The following GALNS variants were observed in gnomAD, a reference collection of about 807,000 sequenced individuals.
The protein encoded by GALNS is galactosamine (N-acetyl)-6-sulfatase.
A neutral mutation model predicts 65.9 loss-of-function variants in GALNS; 65 were observed. The observed-to-expected ratio is 0.99, with a 90% CI of 0.81 to 1.21. The LOEUF (loss-of-function observed/expected upper bound fraction) is 1.21. Among genes scored for constraint, GALNS ranks in the 50% most tolerant of loss-of-function variants. GALNS has a pLI of 0.00. For missense variants in GALNS, 776 were observed against 700.7 expected (o/e 1.11, Z -1.21); for synonymous variants, 346 against 288.9 (o/e 1.20, Z -2.00).
chr16:88,852,147 G>A (rs1026691582), intron 1 of GALNS, among the ~76,000 whole-genome samples: 1 of 152,164 alleles, frequency 6.6e-6, no homozygotes, highest in Non-Finnish European at 1.5e-5. Context: ...GCCCCTCTGG[G>A]ACAAAGCTTC....
Position 88,824,828 on chromosome 16 carries a change from G to C in GALNS, c.1181C>G (p.Thr394Ser). Reference protein sequence around the residue: ...YYRGDTLMAATLGQHKAHFWT... With the variant: ...YYRGDTLMAASLGQHKAHFWT... Reference sequence around the variant, plus strand: ...GAAGTGAGCCTTGTGCTGCCCGAGGGTGGCCGCCATCAGCGTGTCGCCACG... The same window carrying C: ...GAAGTGAGCCTTGTGCTGCCCGAGGCTGGCCGCCATCAGCGTGTCGCCACG... The change falls in exon 11 of 14, where the codon ACC becomes AGC. Residue 394 changes from threonine (T) to serine (S), a missense_variant. Transcript: ENST00000268695. The C allele has an allele frequency of 6.2e-7, 1 of 1,613,414 alleles. No homozygotes were observed. Among genetic ancestry groups the C allele is most frequent in the Non-Finnish European group, 8.5e-7 (1 of 1,179,996 alleles).
At chr16:88,848,494 G>A (rs1479791221) in intron 1 of GALNS, among the ~76,000 whole-genome samples, 3 of 151,846 alleles carry the variant, frequency 2.0e-5, no homozygotes, top group Non-Finnish European at 2.9e-5. Context: ...TTAGCCAGGC[G>A]TGGTTGCAGG....
In GALNS at chr16:88,840,467, C is replaced by A. The variant is rs543838273; in HGVS notation, c.422+525G>T. The A allele has an allele frequency of 3.0e-3, 577 of 192,096 alleles. 2 individuals carry two copies. The highest frequency in any genetic ancestry group is 0.013 in the African/African-American group (549 of 42,344). 11.9% of individuals were successfully genotyped at this position (192,096 alleles called of 1,614,324 possible). A position where few individuals can be genotyped will look rare whatever the true frequency, so the allele number is the denominator to read the frequency against. The stretch of plus-strand genomic sequence containing the variant: ...AGTAAAAGAAATGAAACATCCTGTG[C>A]GCCTAAAACCGCAGCGTGGGGGCTG... On this transcript the variant is annotated intron_variant, in intron 4 of 13. Transcript: ENST00000268695.
chr16:88,856,899 GC>G lies in GALNS; in HGVS notation c.-23del. 6.7e-7 allele frequency: 1 copy of G among 1,500,046 alleles called. No individual in the cohort carries two copies. Among genetic ancestry groups the G allele is most frequent in the South Asian group, 1.2e-5 (1 of 80,564 alleles). The allele number at this position is 1,500,046 out of a possible 1,614,324, so 92.9% of individuals were successfully genotyped here. A position where few individuals can be genotyped will look rare whatever the true frequency, so the allele number is the denominator to read the frequency against. On this transcript the variant is annotated 5_prime_UTR_variant, in exon 1 of 14. Coordinates refer to ENST00000268695, the MANE Select transcript of GALNS (RefSeq NM_000512.5). ...CCATGGCAACCACGGGAGCCGCGGAGCCCCGGCCAGCGAGCCGACCTAGCGA... is the reference window on the plus strand; with the variant it reads ...CCATGGCAACCACGGGAGCCGCGGAGCCCGGCCAGCGAGCCGACCTAGCGA...
intron 1 of GALNS, chr16:88,843,123 A>C (rs909349620): frequency 1.4e-6 from 2 of 1,454,092 alleles, no homozygotes; most frequent in East Asian, 3.0e-5. Flanking sequence ...TCAGGTGGGG[A>C]ATGTGTCCGT....
chr16:88,815,982 T>C (rs906352939), intron 13 of GALNS: 2 of 984,974 alleles, frequency 2.0e-6, no homozygotes, highest in Non-Finnish European at 2.4e-6. Flanking sequence ...TGGCCTGGAG[T>C]TGGCGGGGAC....
At chr16:88,819,234 A>C (rs1597526888) in intron 12 of GALNS, among the ~76,000 whole-genome samples, 4 of 108,156 alleles carry the variant, frequency 3.7e-5, no homozygotes, top group African/African-American at 3.4e-5. Context: ...CGATCCACCC[A>C]CTCCCTGCTT....
rs538838175 is a variant in GALNS, at chr16:88,817,317, T to C, written c.1482+690A>G. 10 of 985,400 alleles carry C rather than the reference T, an allele frequency of 1.0e-5. No individual in the cohort carries two copies. The African/African-American group carries it at 1.7e-4, about 17-fold the overall frequency. 61.0% of individuals were successfully genotyped at this position (985,400 alleles called of 1,614,324 possible). On this transcript the variant is annotated intron_variant, in intron 13 of 13. Transcript: ENST00000268695. ...AACTTTGGAGGCACGTCTGTGCTTG[T>C]GTTTCTGGCCGATGCTGGCGTGATG...
At chr16:88,851,696 C>T (rs971166729) in intron 1 of GALNS, among the ~76,000 whole-genome samples, 1 of 152,174 alleles carries the variant, frequency 6.6e-6, no homozygotes, top group African/African-American at 2.4e-5. Context: ...AACGACACAC[C>T]AGGAGATTAT....
intron 4 of GALNS, 164 bp downstream of exon 4, chr16:88,840,828 G>GAGACA: frequency 1.5e-6 from 1 of 680,732 alleles, no homozygotes; most frequent in Admixed American, 2.1e-5. Flanking sequence ...GGTCACGCTG[G>GAGACA]CCTGCACAGG....
rs1909402900 is a variant in GALNS, at chr16:88,814,286, G to C, written c.*153C>G. ...AAGCACACGCCAGGGTCAGGTCCTG[G>C]GCAGGTGGAATTGTGCAGTCCCCCT... is the stretch of plus-strand genomic sequence containing the variant. On this transcript the variant is annotated 3_prime_UTR_variant, in exon 14 of 14. Coordinates refer to ENST00000268695, the MANE Select transcript of GALNS (RefSeq NM_000512.5). The C allele has an allele frequency of 9.7e-7, 1 of 1,034,752 alleles. No homozygotes were observed. The highest frequency in any genetic ancestry group is 2.0e-5 in the Admixed American group (1 of 50,028). The allele number at this position is 1,034,752 out of a possible 1,614,324, so 64.1% of individuals were successfully genotyped here.
chr16:88,814,311 T>A lies in GALNS; in HGVS notation c.*128A>T. The A allele has an allele frequency of 8.0e-7, 1 of 1,249,024 alleles. No homozygotes were observed. Among genetic ancestry groups the A allele is most frequent in the Non-Finnish European group, 1.1e-6 (1 of 876,134 alleles). The allele number at this position is 1,249,024 out of a possible 1,614,324, so 77.4% of individuals were successfully genotyped here. ...GGCAGGTGGAATTGTGCAGTCCCCCTGCGTCTGCAGGTGCTGTCTGTCTGG... is the reference window on the plus strand; with the variant it reads ...GGCAGGTGGAATTGTGCAGTCCCCCAGCGTCTGCAGGTGCTGTCTGTCTGG... On this transcript the variant is annotated 3_prime_UTR_variant, in exon 14 of 14. Transcript: ENST00000268695.
chr16:88,825,218 G>A (rs866736547), intron 10 of GALNS, among the ~76,000 whole-genome samples: 3 of 112,646 alleles, frequency 2.7e-5, no homozygotes, highest in Admixed American at 8.9e-5. Flanking sequence ...TGTCTGGGGC[G>A]CCTGGGTGTC....
At chr16:88,825,946 C>G (rs1367487532) in intron 10 of GALNS, among the ~76,000 whole-genome samples, 1 of 152,206 alleles carries the variant, frequency 6.6e-6, no homozygotes, top group African/African-American at 2.4e-5. Context: ...CCTTCAGGAC[C>G]ACCCAGGAAA....
At chr16:88,817,553 C>T (rs1021589528) in intron 13 of GALNS, 22 of 981,898 alleles carry the variant, frequency 2.2e-5, no homozygotes, top group South Asian at 1.9e-4. Flanking sequence ...CGGGACCCAC[C>T]GGGCAGTGCC....
chr16:88,848,165 G>A (rs1967337607), intron 1 of GALNS, among the ~76,000 whole-genome samples: 1 of 152,242 alleles, frequency 6.6e-6, no homozygotes, highest in South Asian at 2.1e-4. Flanking sequence ...AGGGGAGCGG[G>A]TCGGCCAGGG....
intron 1 of GALNS, chr16:88,856,270 G>T (rs1334290827): frequency 7.1e-6 from 5 of 703,044 alleles, no homozygotes; most frequent in African/African-American, 7.0e-5. Context: ...CCAGCGGGGG[G>T]ACCCGGCGGC....
chr16:88,820,451 C>G (rs763416733), intron 12 of GALNS, among the ~76,000 whole-genome samples: 2 of 152,230 alleles, frequency 1.3e-5, no homozygotes, highest in African/African-American at 2.4e-5. Context: ...TTTAGAGAGG[C>G]TCCTGGCAAA....
rs1278523457 is a variant in GALNS, at chr16:88,841,900, T to A, written c.316A>T (p.Asn106Tyr). The A allele has an allele frequency of 1.2e-6, 2 of 1,612,826 alleles. No individual in the cohort carries two copies. Among genetic ancestry groups the A allele is most frequent in the African/African-American group, 1.3e-5 (1 of 74,908 alleles). Reference sequence around the variant, plus strand: ...CTGGAGGCGGTGGGCAGCCTACCGTTTCTGGCATGGGCGTTGGTGGTGTAG... The same window carrying A: ...CTGGAGGCGGTGGGCAGCCTACCGTATCTGGCATGGGCGTTGGTGGTGTAG... ...GFYTTNAHAR[N>Y]AYTPQEIVGG... Residue 106 changes from asparagine (N) to tyrosine (Y), a missense_variant, in exon 3 of 14, where the codon AAC (asparagine) becomes TAC (tyrosine). Transcript: ENST00000268695.
Sources: allele counts gnomAD v4.1 joint callset (sites outside exome capture counted in the v4.1 genomes callset), GRCh38; gene constraint gnomAD v4.1.1; transcripts MANE v1.5; gene names NCBI Gene and HGNC (gene_info 2026-07-23, HGNC 2026-07-21).